The following CWF19L2 variants were observed in gnomAD, a reference collection of about 807,000 sequenced individuals.
CWF19L2 encodes CWF19 like cell cycle control factor 2, also known as CWF19-like protein 2.
CWF19L2 carries 98 observed loss-of-function variants against 111.7 expected under a neutral mutation model. That is an observed-to-expected ratio of 0.88 (90% confidence interval 0.75 to 1.04). CWF19L2 has a LOEUF of 1.04. Among genes scored for constraint, CWF19L2 ranks in the 50% least tolerant of loss-of-function variants. The probability of loss-of-function intolerance (pLI) is 0.00; values close to 1 mark genes in which losing one functional copy is unlikely to be tolerated. For missense variants in CWF19L2, 1,101 were observed against 1,051.4 expected, an observed-to-expected ratio of 1.05 and a Z score of -0.65; for synonymous variants, 351 against 342.9, an observed-to-expected ratio of 1.02 and a Z score of -0.26.
intron 12 of CWF19L2, among the ~76,000 whole-genome samples, chr11:107,384,155 T>C (rs983337002): frequency 2.6e-5 from 4 of 152,194 alleles, no homozygotes; most frequent in Non-Finnish European, 4.4e-5. Flanking sequence ...ATATCAACTA[T>C]TCCTGACTAG....
intron 10 of CWF19L2, among the ~76,000 whole-genome samples, chr11:107,405,463 G>C (rs1861063117): frequency 6.6e-6 from 1 of 152,092 alleles, no homozygotes; most frequent in African/African-American, 2.4e-5. Context: ...CAAGATCCAT[G>C]TTGGTAACAA....
At chr11:107,379,626 A>G (rs1860651544) in intron 12 of CWF19L2, among the ~76,000 whole-genome samples, 1 of 152,254 alleles carries the variant, frequency 6.6e-6, no homozygotes, top group African/African-American at 2.4e-5. Flanking sequence ...AGTTGTTACC[A>G]GAAGTGAATT....
At chr11:107,428,280 ATTAT>A in intron 8 of CWF19L2, among the ~76,000 whole-genome samples, 1 of 152,196 alleles carries the variant, frequency 6.6e-6, no homozygotes, top group East Asian at 1.9e-4. Context: ...CCCAAAGTGG[ATTAT>A]TTCTTTCTTT....
chr11:107,450,501 T>C (rs1295592670), intron 3 of CWF19L2, among the ~76,000 whole-genome samples: 3 of 152,000 alleles, frequency 2.0e-5, no homozygotes, highest in Middle Eastern at 3.2e-3. Flanking sequence ...TGCAGTGATC[T>C]ACTACACTCT....
At chr11:107,439,044 A>AAC in intron 6 of CWF19L2, 46 bp downstream of exon 6, 2 of 891,734 alleles carry the variant, frequency 2.2e-6, no homozygotes, top group Non-Finnish European at 3.4e-6. Flanking sequence ...CGAAAAAAAA[A>AAC]AAAAAAAAAA....
chr11:107,392,947 T>C (rs199905202), intron 10 of CWF19L2, 52 bp from the exon 11 acceptor site: 245 of 1,135,230 alleles, frequency 2.2e-4, no homozygotes, highest in Non-Finnish European at 2.9e-4. Context: ...GAATGTTGAA[T>C]GTTTTTATTT....
chr11:107,390,445 G>A (rs1400377518), intron 11 of CWF19L2, among the ~76,000 whole-genome samples: 1 of 152,084 alleles, frequency 6.6e-6, no homozygotes, highest in Non-Finnish European at 1.5e-5. Context: ...AGCATGATAT[G>A]ATCTGCTTTC....
At chr11:107,404,635 G>A (rs770867965) in intron 10 of CWF19L2, 32 of 516,934 alleles carry the variant, frequency 6.2e-5, no homozygotes, top group Non-Finnish European at 9.4e-5. Context: ...TTTGTCCCAC[G>A]CTTACCCCAA....
chr11:107,413,179 C>G (rs1565274051), intron 10 of CWF19L2, among the ~76,000 whole-genome samples: 1 of 152,096 alleles, frequency 6.6e-6, no homozygotes, highest in African/African-American at 2.4e-5. Flanking sequence ...ATGTACTCCT[C>G]TGGTAGGGGC....
At chr11:107,343,443 G>T (rs1860034073) in intron 14 of CWF19L2, among the ~76,000 whole-genome samples, 1 of 151,676 alleles carries the variant, frequency 6.6e-6, no homozygotes. Context: ...ATTAATGGCT[G>T]CATAATATAT....
intron 12 of CWF19L2, among the ~76,000 whole-genome samples, chr11:107,383,909 A>G (rs182539884): frequency 8.5e-4 from 129 of 152,302 alleles, no homozygotes; most frequent in South Asian, 2.7e-3. Flanking sequence ...TGTTACTTCC[A>G]AAAGACTTTT....
chr11:107,388,529 C>T (rs1322904666), intron 12 of CWF19L2, among the ~76,000 whole-genome samples: 2 of 152,066 alleles, frequency 1.3e-5, no homozygotes, highest in African/African-American at 2.4e-5. Context: ...ACTACAAGTG[C>T]GTGCCACCAT....
intron 2 of CWF19L2, among the ~76,000 whole-genome samples, chr11:107,454,856 A>G (rs1861831422): frequency 6.6e-6 from 1 of 152,184 alleles, no homozygotes; most frequent in Admixed American, 6.5e-5. Context: ...TAATCAAATA[A>G]ACACATATAT....
intron 3 of CWF19L2, among the ~76,000 whole-genome samples, chr11:107,453,366 C>T (rs1038239151): frequency 7.9e-5 from 12 of 152,060 alleles, no homozygotes; most frequent in Non-Finnish European, 1.6e-4. Context: ...ACCACCTCTC[C>T]CCCAACCCAA....
At chr11:107,397,045 G>T (rs1254814127) in intron 10 of CWF19L2, among the ~76,000 whole-genome samples, 1 of 152,148 alleles carries the variant, frequency 6.6e-6, no homozygotes, top group Non-Finnish European at 1.5e-5. Flanking sequence ...GCCCGTTCCT[G>T]CCTGGCACCA....
At chr11:107,411,056 A>G (rs191353136) in intron 10 of CWF19L2, among the ~76,000 whole-genome samples, 1 of 149,292 alleles carries the variant, frequency 6.7e-6, no homozygotes, top group Non-Finnish European at 1.5e-5. Context: ...CTATGCTTTT[A>G]TAAGAGTGTG....
At chr11:107,421,738 C>T (rs1363885355) in intron 8 of CWF19L2, among the ~76,000 whole-genome samples, 2 of 152,084 alleles carry the variant, frequency 1.3e-5, no homozygotes, top group Non-Finnish European at 2.9e-5. Flanking sequence ...GAAACTGAAA[C>T]TCTTATACAC....
intron 8 of CWF19L2, among the ~76,000 whole-genome samples, chr11:107,422,907 T>TG (rs1337837719): frequency 6.6e-6 from 1 of 151,978 alleles, no homozygotes; most frequent in African/African-American, 2.4e-5. Flanking sequence ...CCCACATTGT[T>TG]GAAAGGAAAG....
intron 7 of CWF19L2, among the ~76,000 whole-genome samples, chr11:107,432,808 T>C (rs1861482914): frequency 6.6e-6 from 1 of 152,190 alleles, no homozygotes; most frequent in East Asian, 1.9e-4. Context: ...AAACAGGCAA[T>C]TTCACTTTTA....
Sources: allele counts gnomAD v4.1 joint callset (sites outside exome capture counted in the v4.1 genomes callset), GRCh38; gene constraint gnomAD v4.1.1; transcripts MANE v1.5; gene names NCBI Gene and HGNC (gene_info 2026-07-23, HGNC 2026-07-21).